The following CASP9 variants were observed in gnomAD, a reference collection of about 807,000 sequenced individuals.
CASP9 encodes caspase-9.
CASP9 carries 29 observed loss-of-function variants against 43.5 expected under a neutral mutation model. The observed-to-expected ratio is 0.67, with a 90% confidence interval of 0.50 to 0.91. The LOEUF is 0.91. CASP9 is among the 40% of genes least tolerant of loss of function. CASP9 has a pLI of 0.00. For missense variants in CASP9, 575 were observed against 537.4 expected (o/e 1.07, Z -0.69); for synonymous variants, 206 against 211.9 (o/e 0.97, Z 0.24).
chr1:15,492,847 C>T lies in CASP9; in HGVS notation c.*96G>A, dbSNP rs1238321164. ...GCAGACCCTGTGCCGGCTGCAAAGT[C>T]CTTGAGTTGCAGGAAAGTCCAGGCC... On this transcript the variant is annotated 3_prime_UTR_variant, in exon 9 of 9. Transcript: ENST00000333868. The T allele has an allele frequency of 3.3e-6, 5 of 1,530,244 alleles. No individual in the cohort carries two copies. Among genetic ancestry groups the T allele is most frequent in the Non-Finnish European group, 4.4e-6 (5 of 1,138,216 alleles). The allele number at this position is 1,530,244 out of a possible 1,614,324, so 94.8% of individuals were successfully genotyped here. A position where few individuals can be genotyped will look rare whatever the true frequency, so the allele number is the denominator to read the frequency against.
In CASP9 at chr1:15,491,441, C is replaced by T. The variant is rs1420051632; in HGVS notation, c.*1502G>A. ...TATTATTATTATTAATTCAGAAATC[C>T]ATCCTAACATCCAGGGCCCTAAGAA... On this transcript the variant is annotated 3_prime_UTR_variant, in exon 9 of 9. Transcript: ENST00000333868. 3.1e-6 allele frequency: 4 copies of T among 1,294,658 alleles called. No homozygotes were observed. The East Asian group carries it at 7.6e-5, about 24-fold the overall frequency. 80.2% of individuals were successfully genotyped at this position (1,294,658 alleles called of 1,614,324 possible).
In CASP9 at chr1:15,506,935, A is replaced by C. The variant is rs1406703125; in HGVS notation, c.594T>G (p.His198Gln). The C allele has an allele frequency of 1.2e-6, 2 of 1,614,116 alleles. No homozygotes were observed. The highest frequency in any genetic ancestry group is 1.7e-6 in the Non-Finnish European group (2 of 1,179,992). The part of the protein sequence containing the change: ...EKLRRRFSSL[H>Q]FMVEVKGDLT... Reference sequence around the variant, plus strand: ...GGTCGCCCTTCACCTCCACCATGAAATGCAGCGAGGAGAAGCGACGCCGCA... The same window carrying C: ...GGTCGCCCTTCACCTCCACCATGAACTGCAGCGAGGAGAAGCGACGCCGCA... Residue 198 changes from histidine (H) to glutamine (Q), a missense_variant, in exon 4 of 9, where the codon CAT becomes CAG. Physicochemically the swap from His to Gln is conservative, Grantham distance 24. Coordinates refer to ENST00000333868, the MANE Select transcript of CASP9 (RefSeq NM_001229.5).
intron 2 of CASP9, among the ~76,000 whole-genome samples, chr1:15,514,220 C>G (rs962782663): frequency 6.6e-6 from 1 of 152,186 alleles, no homozygotes; most frequent in African/African-American, 2.4e-5. Context: ...CTATAACAAC[C>G]AGATTTGTCT....
intron 6 of CASP9, among the ~76,000 whole-genome samples, chr1:15,499,027 GC>G (rs1478061549): frequency 6.6e-6 from 1 of 152,198 alleles, no homozygotes; most frequent in Middle Eastern, 3.4e-3. Flanking sequence ...GTGAGCCACC[GC>G]CCCTGGCCAA....
intron 2 of CASP9, among the ~76,000 whole-genome samples, chr1:15,512,412 A>C (rs1271136475): frequency 6.6e-6 from 1 of 152,220 alleles, no homozygotes; most frequent in African/African-American, 2.4e-5. Flanking sequence ...CAAGGGCCTG[A>C]ATAGAACGAA....
At chr1:15,524,542 G>C, upstream of CASP9, 1 of 279,516 alleles carries the variant, frequency 3.6e-6, no homozygotes, top group South Asian at 3.5e-5. Context: ...ATCCACCACT[G>C]CGTCCCCGCC....
intron 1 of CASP9, chr1:15,519,877 G>C (rs759754840): frequency 6.6e-6 from 1 of 152,634 alleles, no homozygotes. Context: ...ATGGTGTCAC[G>C]CACCTGTAGT....
intron 1 of CASP9, among the ~76,000 whole-genome samples, chr1:15,519,060 T>C (rs562174436): frequency 6.6e-6 from 1 of 150,828 alleles, no homozygotes; most frequent in African/African-American, 2.4e-5. Context: ...TTATTTTTAG[T>C]AGAAACAGGG....
At chr1:15,506,200 G>T in intron 4 of CASP9, 121 bp from the exon 5 acceptor site, 2 of 677,340 alleles carry the variant, frequency 3.0e-6, no homozygotes. Context: ...TGTAATCCCA[G>T]CACTTTGGGA....
intron 3 of CASP9, 87 bp from the exon 4 acceptor site, chr1:15,507,162 G>A: frequency 6.6e-7 from 1 of 1,513,006 alleles, no homozygotes. Context: ...AACGGGGTCT[G>A]CCCTCTCGCA....
chr1:15,506,459 G>A (rs1374847650), intron 4 of CASP9, among the ~76,000 whole-genome samples: 2 of 149,852 alleles, frequency 1.3e-5, no homozygotes, highest in Non-Finnish European at 3.0e-5. Context: ...CTGTGCCCCC[G>A]CCCCCCCCAA....
chr1:15,507,121 C>A, intron 3 of CASP9, 46 bp from the exon 4 acceptor site: 2 of 1,609,958 alleles, frequency 1.2e-6, no homozygotes, highest in South Asian at 1.1e-5. Context: ...CCCCACGCTC[C>A]CTAGAGGACA....
intron 2 of CASP9, among the ~76,000 whole-genome samples, chr1:15,508,551 T>C (rs1430303172): frequency 1.3e-5 from 2 of 152,178 alleles, no homozygotes; most frequent in African/African-American, 4.8e-5. Context: ...TAGCTGGAAT[T>C]ACAGGCACCC....
At position 15,504,599 on chromosome 1, in the gene CASP9, G is replaced by A. The variant is rs1709447140; in HGVS notation, c.868+12C>T. 2 of 1,607,410 alleles carry A rather than the reference G, an allele frequency of 1.2e-6. No individual in the cohort carries two copies. Among genetic ancestry groups the A allele is most frequent in the Non-Finnish European group, 1.7e-6 (2 of 1,177,014 alleles). On this transcript the variant is annotated intron_variant, in intron 6 of 8. Transcript: ENST00000333868. ...CCAGACCCACCCAGAGGGAGGCTGA[G>A]GAGCTGCTTACCCCCACCACAGGCC...
At chr1:15,507,194 C>T (rs1315632675) in intron 3 of CASP9, 119 bp from the exon 4 acceptor site, 2 of 1,156,058 alleles carry the variant, frequency 1.7e-6, no homozygotes, top group Non-Finnish European at 2.5e-6. Flanking sequence ...AGGGTCTCCA[C>T]CCGGCATTCC....
At chr1:15,507,789 A>C in intron 3 of CASP9, 84 bp downstream of exon 3, 2 of 1,380,746 alleles carry the variant, frequency 1.4e-6, no homozygotes, top group South Asian at 1.2e-5. Flanking sequence ...TGGGCTCCTG[A>C]CACACCTGCA....
At chr1:15,517,985 T>C (rs778541797) in intron 2 of CASP9, 125 bp downstream of exon 2, 2 of 1,187,756 alleles carry the variant, frequency 1.7e-6, no homozygotes, top group Non-Finnish European at 2.4e-6. Context: ...TTGCCATCCC[T>C]ATGAACATTC....
chr1:15,511,852 T>TG (rs1174265867), intron 2 of CASP9, among the ~76,000 whole-genome samples: 2 of 152,276 alleles, frequency 1.3e-5, no homozygotes, highest in Non-Finnish European at 2.9e-5. Flanking sequence ...ACAGGGGAAC[T>TG]GGGGGACCCT....
chr1:15,495,538 A>G, intron 6 of CASP9, 86 bp from the exon 7 acceptor site: 1 of 1,144,094 alleles, frequency 8.7e-7, no homozygotes, highest in South Asian at 1.9e-5. Flanking sequence ...GCAATATACT[A>G]CATTAACAGT....
Sources: gnomAD v4.1 joint callset for allele counts (sites outside exome capture counted in the v4.1 genomes callset) on GRCh38, gnomAD v4.1.1 for gene constraint, MANE v1.5 for transcripts, NCBI Gene and HGNC (gene_info 2026-07-23, HGNC 2026-07-21) for gene names.